Variants in GRID2 observed in about 807,000 individuals in gnomAD.
The protein encoded by GRID2 is glutamate ionotropic receptor delta type subunit 2, also known as glutamate receptor ionotropic, delta-2.
A neutral mutation model predicts 114.8 loss-of-function variants in GRID2; 33 were observed. That is an observed-to-expected ratio of 0.29 (90% CI 0.22 to 0.38). GRID2 has a LOEUF of 0.38. GRID2 is among the 10% of genes least tolerant of loss of function. The pLI is 1.00. For missense variants in GRID2, 1,184 were observed against 1,257.7 expected (o/e 0.94, Z 0.89); for synonymous variants, 505 against 449.9 (o/e 1.12, Z -1.55).
intron 13 of GRID2, among the ~76,000 whole-genome samples, chr4:93,557,501 C>T (rs559686156): frequency 6.6e-6 from 1 of 152,250 alleles, no homozygotes; most frequent in Non-Finnish European, 1.5e-5. Flanking sequence ...AAAGGCATTA[C>T]ATAATGGTAA....
chr4:92,760,281 A>C (rs902145639), intron 2 of GRID2, among the ~76,000 whole-genome samples: 3 of 151,580 alleles, frequency 2.0e-5, no homozygotes, highest in East Asian at 1.9e-4. Context: ...TATTTGAAGA[A>C]GTCAGTTAGT....
intron 2 of GRID2, among the ~76,000 whole-genome samples, chr4:92,833,063 T>C (rs1028320084): frequency 1.1e-4 from 16 of 152,124 alleles, no homozygotes; most frequent in Non-Finnish European, 1.9e-4. Flanking sequence ...TTAAAGTATA[T>C]GCTAGTGCAA....
chr4:93,013,037 A>G (rs933986517), intron 2 of GRID2, among the ~76,000 whole-genome samples: 23 of 152,032 alleles, frequency 1.5e-4, no homozygotes, highest in South Asian at 2.1e-4. Context: ...ATAATTACTT[A>G]CCAGGCAGGA....
chr4:92,862,125 T>A (rs752174784), intron 2 of GRID2, among the ~76,000 whole-genome samples: 7 of 151,958 alleles, frequency 4.6e-5, no homozygotes, highest in Non-Finnish European at 8.8e-5. Context: ...TCCCAAAGGG[T>A]ACTCTGGATA....
chr4:93,107,426 G>A (rs2149347510), intron 3 of GRID2, among the ~76,000 whole-genome samples: 1 of 152,198 alleles, frequency 6.6e-6, no homozygotes, highest in African/African-American at 2.4e-5. Flanking sequence ...GGTTATAGTG[G>A]TCTTTTGTCA....
At chr4:93,716,590 A>C (rs1728922278) in intron 14 of GRID2, among the ~76,000 whole-genome samples, 1 of 152,006 alleles carries the variant, frequency 6.6e-6, no homozygotes, top group Non-Finnish European at 1.5e-5. Context: ...ATGGACAGTT[A>C]TTACTTACAA....
chr4:93,280,542 T>A (rs1347477539), intron 8 of GRID2, among the ~76,000 whole-genome samples: 2 of 152,014 alleles, frequency 1.3e-5, no homozygotes, highest in African/African-American at 4.8e-5. Flanking sequence ...TATCTCTTTT[T>A]TATTTTCTGT....
At chr4:93,535,808 G>A (rs1732005023) in intron 13 of GRID2, among the ~76,000 whole-genome samples, 1 of 151,942 alleles carries the variant, frequency 6.6e-6, no homozygotes, top group Non-Finnish European at 1.5e-5. Context: ...CCCTTCATCA[G>A]ATGTATGGTT....
intron 8 of GRID2, among the ~76,000 whole-genome samples, chr4:93,328,231 A>G (rs1758056995): frequency 6.6e-6 from 1 of 152,012 alleles, no homozygotes; most frequent in African/African-American, 2.4e-5. Flanking sequence ...ATGTCTTTCC[A>G]CCTTATTTAG....
intron 1 of GRID2, among the ~76,000 whole-genome samples, chr4:92,512,077 G>GGT (rs1214080378): frequency 6.6e-6 from 1 of 151,264 alleles, no homozygotes; most frequent in Non-Finnish European, 1.5e-5. Context: ...AGGTACTGTA[G>GGT]GTACTTTACT....
chr4:92,508,468 G>A (rs1724083628), intron 1 of GRID2, among the ~76,000 whole-genome samples: 1 of 151,926 alleles, frequency 6.6e-6, no homozygotes, highest in South Asian at 2.1e-4. Flanking sequence ...ACAGATCTAA[G>A]TGTTATTTTA....
intron 14 of GRID2, among the ~76,000 whole-genome samples, chr4:93,676,665 C>A (rs189617962): frequency 6.8e-4 from 101 of 148,012 alleles, no homozygotes; most frequent in African/African-American, 2.5e-3. Flanking sequence ...TCTCATTGTT[C>A]AATTCCCACC....
At chr4:93,484,369 C>G (rs1726170074) in intron 11 of GRID2, among the ~76,000 whole-genome samples, 1 of 151,854 alleles carries the variant, frequency 6.6e-6, no homozygotes, top group Non-Finnish European at 1.5e-5. Flanking sequence ...TTTTACCCAA[C>G]ATTAGGTTCA....
At chr4:93,146,355 C>G (rs1300140927) in intron 4 of GRID2, among the ~76,000 whole-genome samples, 1 of 152,090 alleles carries the variant, frequency 6.6e-6, no homozygotes, top group African/African-American at 2.4e-5. Context: ...GAGGGCAATT[C>G]AATTTTGATA....
chr4:93,391,221 A>G lies in GRID2; in HGVS notation c.1246-4386A>G, dbSNP rs115759252. On this transcript the variant is annotated intron_variant, in intron 8 of 15. Coordinates refer to ENST00000282020, the MANE Select transcript of GRID2 (RefSeq NM_001510.4). ...ATTGGAGAGATTACTGGCACACTGC[A>G]TTCATTCACATGTCAAAGTGGAAAA... 6.4e-3 allele frequency among the ~76,000 whole-genome samples: 969 copies of G among 152,322 alleles called. 4 individuals carry two copies. Among genetic ancestry groups the G allele is most frequent in the Non-Finnish European group, 9.6e-3 (650 of 68,030 alleles).
intron 14 of GRID2, among the ~76,000 whole-genome samples, chr4:93,670,817 TGAG>T (rs1724347216): frequency 6.6e-6 from 1 of 152,236 alleles, no homozygotes; most frequent in South Asian, 2.1e-4. Context: ...TGAAAATCAC[TGAG>T]TCCATCCAGT....
chr4:93,365,668 G>C (rs897524278), intron 8 of GRID2, among the ~76,000 whole-genome samples: 2 of 152,124 alleles, frequency 1.3e-5, no homozygotes, highest in Non-Finnish European at 2.9e-5. Context: ...AGAGAACAAA[G>C]TCTCTGGATA....
intron 2 of GRID2, among the ~76,000 whole-genome samples, chr4:92,666,026 C>T (rs776932697): frequency 4.6e-5 from 7 of 151,326 alleles, no homozygotes; most frequent in Non-Finnish European, 8.9e-5. Flanking sequence ...TTTTCTTCTC[C>T]TTCGGAGACT....
At chr4:92,785,042 T>G (rs1240903122) in intron 2 of GRID2, among the ~76,000 whole-genome samples, 2 of 151,258 alleles carry the variant, frequency 1.3e-5, no homozygotes, top group African/African-American at 4.8e-5. Flanking sequence ...TTTTCCACTT[T>G]AATTCCAAGC....
Sources: gnomAD v4.1 joint callset for allele counts (sites outside exome capture counted in the v4.1 genomes callset) on GRCh38, gnomAD v4.1.1 for gene constraint, MANE v1.5 for transcripts, NCBI Gene and HGNC (gene_info 2026-07-23, HGNC 2026-07-21) for gene names.